The following GPHN variants were observed in gnomAD, a reference collection of about 807,000 sequenced individuals.
GPHN encodes gephyrin.
GPHN carries 17 observed loss-of-function variants against 95.5 expected under a neutral mutation model. The ratio of observed to expected loss-of-function variants is 0.18; its 90% CI spans 0.12 to 0.27. The LOEUF is 0.27. GPHN is among the 10% of genes least tolerant of loss of function. GPHN has a pLI of 1.00. For synonymous variants in GPHN, 320 were observed against 322.5 expected (o/e 0.99, Z 0.08); for missense variants, 660 against 978.1 (o/e 0.67, Z 4.34).
intron 12 of GPHN, among the ~76,000 whole-genome samples, chr14:67,090,130 A>G (rs1316223403): frequency 1.3e-5 from 2 of 152,160 alleles, no homozygotes; most frequent in East Asian, 3.8e-4. Context: ...GATATCATTG[A>G]AGAAACATGT....
the GPHN span, among the ~76,000 whole-genome samples, chr14:67,222,328 T>C: frequency 2.6e-5 from 4 of 152,238 alleles, no homozygotes; most frequent in Non-Finnish European, 5.9e-5. Context: ...GTAGTCTCTG[T>C]TGCCCAGGCT....
rs2066097362 is a variant in GPHN, at chr14:66,919,592, G to GT, written c.457-3071dup. 2.0e-5 allele frequency among the ~76,000 whole-genome samples: 3 copies of GT among 152,238 alleles called. No individual in the cohort carries two copies. The South Asian group carries it at 6.2e-4, about 32-fold the overall frequency. On this transcript the variant is annotated intron_variant, in intron 6 of 22. Transcript: ENST00000478722. The stretch of plus-strand genomic sequence containing the variant: ...TTTGGTGTCTAGCAGTAAACACAGA[G>GT]TTTCATTTGTCTGTCTCCTATTAAA...
At chr14:66,722,656 C>G (rs923555297) in intron 2 of GPHN, among the ~76,000 whole-genome samples, 17 of 152,162 alleles carry the variant, frequency 1.1e-4, no homozygotes, top group Non-Finnish European at 2.2e-4. Context: ...GTTGCCCAGC[C>G]TGGCTTGAAC....
chr14:66,893,335 T>C (rs2064631076), intron 5 of GPHN, among the ~76,000 whole-genome samples: 1 of 152,116 alleles, frequency 6.6e-6, no homozygotes, highest in Non-Finnish European at 1.5e-5. Flanking sequence ...AGGACAGTGG[T>C]TGCAGCCCAC....
chr14:67,226,931 G>C, the GPHN span, among the ~76,000 whole-genome samples: 1 of 152,134 alleles, frequency 6.6e-6, no homozygotes, highest in Non-Finnish European at 1.5e-5. Context: ...CATCCACCTA[G>C]ACAGAGTCTG....
At chr14:67,473,171 C>A in the GPHN span, 1 of 532,694 alleles carries the variant, frequency 1.9e-6, no homozygotes. The surrounding 1 kb of genome is among the most constrained non-coding windows in gnomAD (Gnocchi z 6.5). Context: ...GGTACCAACC[C>A]CTGAACTGGG....
chr14:67,676,048 G>A, the GPHN span, among the ~76,000 whole-genome samples: 1 of 152,164 alleles, frequency 6.6e-6, no homozygotes, highest in Admixed American at 6.5e-5. Flanking sequence ...AGTGAGCTGA[G>A]ATCGTGCCAC....
At chr14:66,629,149 A>C (rs8016887) in intron 1 of GPHN, among the ~76,000 whole-genome samples, 1 of 84,998 alleles carries the variant, frequency 1.2e-5, no homozygotes. Flanking sequence ...ATTTATATAC[A>C]TATATAAATA....
the GPHN span, among the ~76,000 whole-genome samples, chr14:67,654,163 G>A: frequency 2.6e-5 from 4 of 152,160 alleles, no homozygotes; most frequent in Non-Finnish European, 4.4e-5. Flanking sequence ...CTGGAGTGCA[G>A]TGCTGCAATC....
At chr14:67,103,747 T>G (rs1043232293) in intron 13 of GPHN, among the ~76,000 whole-genome samples, 1 of 152,086 alleles carries the variant, frequency 6.6e-6, no homozygotes, top group African/African-American at 2.4e-5. Flanking sequence ...TGTACTATAT[T>G]TATCAGTTGT....
the GPHN span, among the ~76,000 whole-genome samples, chr14:67,634,944 C>G: frequency 6.6e-6 from 1 of 152,170 alleles, no homozygotes; most frequent in African/African-American, 2.4e-5. Context: ...ACAGATATCT[C>G]AAGACACATG....
At chr14:66,565,019 A>T (rs2060404371) in intron 1 of GPHN, among the ~76,000 whole-genome samples, 1 of 152,032 alleles carries the variant, frequency 6.6e-6, no homozygotes, top group Non-Finnish European at 1.5e-5. Flanking sequence ...TTTCTCTCTT[A>T]GCTTCAGTGA....
chr14:67,659,274 A>T, the GPHN span, among the ~76,000 whole-genome samples: 1 of 152,192 alleles, frequency 6.6e-6, no homozygotes, highest in Non-Finnish European at 1.5e-5. Context: ...AAGGTAAAGG[A>T]AAGCTTGGAT....
At chr14:66,957,911 G>T (rs1420413920) in intron 8 of GPHN, among the ~76,000 whole-genome samples, 1 of 152,164 alleles carries the variant, frequency 6.6e-6, no homozygotes. Flanking sequence ...TAAGTTGTGT[G>T]CTCCTTATGA....
At chr14:67,600,918 G>A in the GPHN span, among the ~76,000 whole-genome samples, 1 of 152,276 alleles carries the variant, frequency 6.6e-6, no homozygotes, top group East Asian at 1.9e-4. Flanking sequence ...TTGGCAAGCC[G>A]ATTTCTCTAA....
chr14:67,009,883 C>T (rs906085220), intron 9 of GPHN, among the ~76,000 whole-genome samples: 9 of 151,854 alleles, frequency 5.9e-5, no homozygotes, highest in South Asian at 2.1e-4. Flanking sequence ...CTCAGCCTCC[C>T]GAGTAGCTGA....
intron 1 of GPHN, among the ~76,000 whole-genome samples, chr14:66,610,576 G>C (rs2062737448): frequency 6.6e-6 from 1 of 151,986 alleles, no homozygotes; most frequent in Non-Finnish European, 1.5e-5. Context: ...CCTTCTTCAA[G>C]CCAGTATTTT....
intron 10 of GPHN, among the ~76,000 whole-genome samples, chr14:67,052,886 C>A (rs2075367820): frequency 6.6e-6 from 1 of 152,118 alleles, no homozygotes; most frequent in Non-Finnish European, 1.5e-5. Context: ...TCAAGAAGTT[C>A]TTTGAAACCA....
the GPHN span, chr14:67,208,369 A>C: frequency 6.2e-7 from 1 of 1,614,032 alleles, no homozygotes; most frequent in East Asian, 2.2e-5. Flanking sequence ...AGGCAAATAC[A>C]TCCAAGGAGA....
Sources: allele counts gnomAD v4.1 joint callset (sites outside exome capture counted in the v4.1 genomes callset), GRCh38; gene constraint gnomAD v4.1.1; non-coding constraint Gnocchi (gnomAD v3.1); transcripts MANE v1.5; gene names NCBI Gene and HGNC (gene_info 2026-07-23, HGNC 2026-07-21).